MME: variants seen among roughly 807,000 people sequenced by gnomAD.
The protein encoded by MME is neprilysin.
Under a neutral mutation model 113.2 loss-of-function variants are expected in MME, and 98 were observed. The ratio of observed to expected loss-of-function variants is 0.87; its 90% CI spans 0.74 to 1.02. The LOEUF (loss-of-function observed/expected upper bound fraction) is 1.02, where lower values mean the gene tolerates loss of function less well. Ranked by LOEUF, MME falls within the 50% of genes least tolerant of loss-of-function variation. The pLI is 0.00. For missense variants in MME, 836 were observed against 896.0 expected (o/e 0.93, Z 0.86); for synonymous variants, 292 against 300.6 (o/e 0.97, Z 0.30).
At chr3:155,098,905 G>A (rs1288855377) in intron 3 of MME, among the ~76,000 whole-genome samples, 2 of 152,046 alleles carry the variant, frequency 1.3e-5, no homozygotes, top group East Asian at 3.9e-4. Context: ...TGGAAGGGCA[G>A]ACTGCACAAA....
intron 1 of MME, among the ~76,000 whole-genome samples, chr3:155,030,167 T>A (rs1425612605): frequency 6.6e-6 from 1 of 152,152 alleles, no homozygotes; most frequent in African/African-American, 2.4e-5. Flanking sequence ...CAAGATAAAA[T>A]GGTTGAGAAA....
chr3:155,112,507 G>C (rs758779101), intron 3 of MME: 1 of 152,146 alleles, frequency 6.6e-6, no homozygotes, highest in Non-Finnish European at 1.5e-5. Context: ...ATGGAATCTG[G>C]ATTTTATTAT....
intron 16 of MME, among the ~76,000 whole-genome samples, chr3:155,153,962 A>C (rs1401666878): frequency 6.6e-6 from 1 of 152,212 alleles, no homozygotes; most frequent in Non-Finnish European, 1.5e-5. Flanking sequence ...TGCTATTACC[A>C]GGAAACAAAG....
chr3:155,025,469 C>G (rs1472762191), intron 1 of MME, among the ~76,000 whole-genome samples: 1 of 151,278 alleles, frequency 6.6e-6, no homozygotes, highest in Non-Finnish European at 1.5e-5. Context: ...TACAAAAATA[C>G]AAAAATTAGC....
intron 14 of MME, among the ~76,000 whole-genome samples, chr3:155,145,004 C>T (rs773569295): frequency 4.6e-5 from 7 of 152,082 alleles, no homozygotes; most frequent in Admixed American, 6.6e-5. Flanking sequence ...AAAAAGCAGA[C>T]GATTTGGATT....
intron 3 of MME, among the ~76,000 whole-genome samples, chr3:155,102,601 G>C (rs1261086558): frequency 6.6e-6 from 1 of 152,204 alleles, no homozygotes; most frequent in Non-Finnish European, 1.5e-5. Flanking sequence ...GTGTTAACAA[G>C]ATGATTTAGA....
chr3:155,164,298 G>A (rs540851476), intron 17 of MME, among the ~76,000 whole-genome samples: 86 of 152,202 alleles, frequency 5.7e-4, no homozygotes, highest in African/African-American at 2.0e-3. Context: ...AAAACAGGGG[G>A]AAGAGGAGAC....
rs565069983 is a variant in MME, at chr3:155,040,303, A to C, written c.-11+15979A>C. Among the ~76,000 whole-genome samples the C allele has an allele frequency of 3.3e-5, 5 of 152,254 alleles. 1 individual carries two copies. In the East Asian group the frequency reaches 9.7e-4, roughly 29 times the overall value. ...CGCTACCTACTACACAACAGTAGCAAACCCTCTCAAGTTGTCACAACCAAA... is the reference window on the plus strand; with the variant it reads ...CGCTACCTACTACACAACAGTAGCACACCCTCTCAAGTTGTCACAACCAAA... On this transcript the variant is annotated intron_variant, in intron 1 of 22. Transcript: ENST00000492661.
At chr3:155,043,450 G>A (rs1332924056) in intron 1 of MME, among the ~76,000 whole-genome samples, 1 of 151,540 alleles carries the variant, frequency 6.6e-6, no homozygotes, top group Non-Finnish European at 1.5e-5. Context: ...TCCTGCCTCA[G>A]TCTTCCCAAG....
At chr3:155,157,863 AC>A (rs1722428255) in intron 16 of MME, among the ~76,000 whole-genome samples, 2 of 152,134 alleles carry the variant, frequency 1.3e-5, no homozygotes, top group Non-Finnish European at 2.9e-5. Context: ...ATAAATAGCT[AC>A]CTATTTTCTT....
intron 3 of MME, among the ~76,000 whole-genome samples, chr3:155,111,849 G>A (rs1718217078): frequency 2.0e-5 from 3 of 152,120 alleles, no homozygotes; most frequent in Non-Finnish European, 4.4e-5. Flanking sequence ...ATGTTTTTAA[G>A]TATCTTAAAA....
chr3:155,129,005 A>G (rs1719924616), intron 8 of MME, among the ~76,000 whole-genome samples: 1 of 152,112 alleles, frequency 6.6e-6, no homozygotes, highest in Admixed American at 6.6e-5. Context: ...TCTTTGCTAA[A>G]CTCAGTTTGC....
At chr3:155,106,134 A>G (rs1268623329) in intron 3 of MME, among the ~76,000 whole-genome samples, 1 of 152,232 alleles carries the variant, frequency 6.6e-6, no homozygotes, top group Non-Finnish European at 1.5e-5. Context: ...AGCTGTACAG[A>G]GTAAATTCAC....
chr3:155,148,185 A>T (rs1350361830), intron 15 of MME, among the ~76,000 whole-genome samples: 1 of 152,166 alleles, frequency 6.6e-6, no homozygotes, highest in Non-Finnish European at 1.5e-5. Flanking sequence ...GAATTAAATG[A>T]GTATAATGTA....
At chr3:155,155,791 C>T (rs887832837) in intron 16 of MME, among the ~76,000 whole-genome samples, 3 of 152,184 alleles carry the variant, frequency 2.0e-5, no homozygotes, top group African/African-American at 7.2e-5. Context: ...ACCCAAGTGT[C>T]TCCAAAATTA....
intron 1 of MME, among the ~76,000 whole-genome samples, chr3:155,063,032 C>CAAAA (rs772216166): frequency 1.6e-5 from 1 of 61,806 alleles, no homozygotes. Flanking sequence ...GACTCCATCT[C>CAAAA]AAAAAAAAAA....
intron 8 of MME, among the ~76,000 whole-genome samples, chr3:155,133,062 A>AAAAAAAAATATATATATATAT (rs1553762419): frequency 1.3e-5 from 1 of 75,102 alleles, no homozygotes; most frequent in African/African-American, 6.6e-5. Context: ...AAAAAAAAAA[A>AAAAAAAAATATATATATATAT]ATATATATAT....
chr3:155,057,523 T>G (rs561628118), intron 1 of MME, among the ~76,000 whole-genome samples: 1 of 151,960 alleles, frequency 6.6e-6, no homozygotes, highest in Non-Finnish European at 1.5e-5. Flanking sequence ...TCAATTGGTT[T>G]AGATGATTGT....
chr3:155,100,079 C>T (rs61763218), intron 3 of MME, among the ~76,000 whole-genome samples: 48 of 152,234 alleles, frequency 3.2e-4, no homozygotes, highest in Middle Eastern at 3.4e-3. Context: ...AGAGCTTCTG[C>T]GCAGCAAAAG....
Sources: allele counts gnomAD v4.1 joint callset (sites outside exome capture counted in the v4.1 genomes callset), GRCh38; gene constraint gnomAD v4.1.1; transcripts MANE v1.5; gene names NCBI Gene and HGNC (gene_info 2026-07-23, HGNC 2026-07-21).